The following GLRA3 variants were observed in gnomAD, a reference collection of about 807,000 sequenced individuals.
GLRA3 encodes the protein glycine receptor alpha 3, also known as glycine receptor subunit alpha-3.
In GLRA3, 44 loss-of-function variants were observed where a neutral mutation model predicts 60.4. That is an observed-to-expected ratio of 0.73 (90% confidence interval 0.57 to 0.94). The LOEUF (loss-of-function observed/expected upper bound fraction) is 0.94, where lower values mean the gene tolerates loss of function less well. GLRA3 is among the 40% of genes least tolerant of loss of function. GLRA3 has a pLI of 0.00. For missense variants in GLRA3, 508 were observed against 564.6 expected (o/e 0.90, Z 1.02); for synonymous variants, 223 against 192.9 (o/e 1.16, Z -1.29).
At chr4:174,784,774 A>C (rs1360157021) in intron 2 of GLRA3, among the ~76,000 whole-genome samples, 1 of 152,172 alleles carries the variant, frequency 6.6e-6, no homozygotes, top group Admixed American at 6.5e-5. Context: ...TTTAAATAAT[A>C]GTTTTTAAAA....
At chr4:174,677,520 C>T (rs6848286) in intron 6 of GLRA3, among the ~76,000 whole-genome samples, 53,709 of 150,802 alleles carry the variant, frequency 0.36, 10,196 homozygotes, top group Middle Eastern at 0.46. Context: ...CCACCAAGCC[C>T]GGCTAATTTT....
At chr4:174,811,723 T>G (rs1180185865) in intron 1 of GLRA3, among the ~76,000 whole-genome samples, 1 of 152,220 alleles carries the variant, frequency 6.6e-6, no homozygotes, top group Non-Finnish European at 1.5e-5. Flanking sequence ...ACAACTATGT[T>G]GCTTTGCTGT....
intron 5 of GLRA3, among the ~76,000 whole-genome samples, chr4:174,696,723 ATT>A (rs1289630940): frequency 6.6e-6 from 1 of 152,038 alleles, no homozygotes; most frequent in Non-Finnish European, 1.5e-5. Flanking sequence ...AATTTACTGT[ATT>A]TTTGTTTGAA....
At chr4:174,781,116 C>A (rs112150271) in intron 2 of GLRA3, among the ~76,000 whole-genome samples, 1 of 152,082 alleles carries the variant, frequency 6.6e-6, no homozygotes, top group Non-Finnish European at 1.5e-5. Flanking sequence ...CAAACTATCT[C>A]TCAGACCACA....
At chr4:174,771,965 C>T (rs1041948233) in intron 2 of GLRA3, among the ~76,000 whole-genome samples, 4 of 152,064 alleles carry the variant, frequency 2.6e-5, no homozygotes, top group Non-Finnish European at 5.9e-5. Flanking sequence ...TTCAGTGTCC[C>T]TTGGGAGCAA....
intron 8 of GLRA3, among the ~76,000 whole-genome samples, chr4:174,658,169 A>T (rs55645626): frequency 0.068 from 10,351 of 152,250 alleles, 464 homozygotes; most frequent in Non-Finnish European, 0.1. Flanking sequence ...TCTTTTGACA[A>T]ATATGCCAGG....
At chr4:174,749,367 C>T (rs1478536863) in intron 3 of GLRA3, among the ~76,000 whole-genome samples, 1 of 152,122 alleles carries the variant, frequency 6.6e-6, no homozygotes, top group Non-Finnish European at 1.5e-5. Context: ...GCAACTGGAG[C>T]AATCTTTGCC....
chr4:174,659,491 C>G (rs1400975900), intron 7 of GLRA3, among the ~76,000 whole-genome samples: 2 of 151,882 alleles, frequency 1.3e-5, no homozygotes, highest in African/African-American at 4.8e-5. Context: ...AAAGTATGAA[C>G]ATTGAAATAT....
intron 8 of GLRA3, 146 bp downstream of exon 8, chr4:174,658,908 A>C (rs1733315818): frequency 3.1e-6 from 2 of 650,824 alleles, no homozygotes; most frequent in African/African-American, 3.7e-5. Flanking sequence ...TGACACTTTT[A>C]GTTTGGATTG....
At chr4:174,714,690 T>A (rs1735839991) in intron 5 of GLRA3, among the ~76,000 whole-genome samples, 1 of 152,168 alleles carries the variant, frequency 6.6e-6, no homozygotes, top group Non-Finnish European at 1.5e-5. Context: ...CAAACAGTCC[T>A]TTTATTCCCC....
chr4:174,690,094 T>G (rs1337093481), intron 5 of GLRA3, among the ~76,000 whole-genome samples: 2 of 152,204 alleles, frequency 1.3e-5, no homozygotes, highest in African/African-American at 4.8e-5. Context: ...ACAAGTCAGA[T>G]GCAGAAGACA....
intron 4 of GLRA3, among the ~76,000 whole-genome samples, chr4:174,719,031 C>T (rs1055320749): frequency 1.5e-5 from 2 of 135,076 alleles, no homozygotes; most frequent in Admixed American, 8.3e-5. Context: ...GGCGCAATCT[C>T]GGCTCACTGC....
intron 1 of GLRA3, among the ~76,000 whole-genome samples, chr4:174,808,339 C>T (rs541486178): frequency 2.0e-5 from 3 of 152,084 alleles, no homozygotes; most frequent in South Asian, 4.1e-4. Flanking sequence ...ATTCCTATTG[C>T]CTAGTGATGT....
chr4:174,767,123 TACACACACACACACAC>T (rs10551381), intron 2 of GLRA3, 93 bp from the exon 3 acceptor site: 10 of 471,786 alleles, frequency 2.1e-5, no homozygotes, highest in Admixed American at 3.0e-5. Context: ...TATTCCATTT[TACACACACACACACAC>T]ACACACACAC....
chr4:174,715,434 C>T, intron 5 of GLRA3, 54 bp downstream of exon 5: 1 of 839,714 alleles, frequency 1.2e-6, no homozygotes, highest in Non-Finnish European at 2.0e-6. Flanking sequence ...GCATTAAAAG[C>T]TTGTATCTAC....
At chr4:174,802,352 C>T (rs1739846665) in intron 1 of GLRA3, among the ~76,000 whole-genome samples, 1 of 152,024 alleles carries the variant, frequency 6.6e-6, no homozygotes, top group Admixed American at 6.6e-5. Context: ...AACCTGCCAT[C>T]AGTTCTCCCA....
intron 4 of GLRA3, among the ~76,000 whole-genome samples, chr4:174,721,815 ATGTGTGTG>A (rs1736141252): frequency 1.3e-5 from 2 of 149,862 alleles, no homozygotes; most frequent in African/African-American, 4.9e-5. Flanking sequence ...ATGAAAAAAT[ATGTGTGTG>A]TATATATATG....
chr4:174,713,258 G>A (rs1302679859), intron 5 of GLRA3, among the ~76,000 whole-genome samples: 1 of 152,084 alleles, frequency 6.6e-6, no homozygotes, highest in Non-Finnish European at 1.5e-5. Flanking sequence ...GGAAAGAAAA[G>A]AGGCTCTCTT....
rs200352180 is a variant in GLRA3 at position 174,759,326 on chromosome 4, ATAAC to A, written c.267+7633_267+7636del. Among the ~76,000 whole-genome samples the A allele has an allele frequency of 3.4e-3, 520 of 151,020 alleles. 17 individuals are homozygous for A. The highest frequency in any genetic ancestry group is 0.03 in the Admixed American group (453 of 15,142). ...TGTATTGACAATGAAGTGTTAAAAA[ATAAC>A]TAAAAGGTTATAATTTTAAAAGCCT... On this transcript the variant is annotated intron_variant, in intron 3 of 9. Transcript: ENST00000274093.
Sources: gnomAD v4.1 joint callset for allele counts (sites outside exome capture counted in the v4.1 genomes callset) on GRCh38, gnomAD v4.1.1 for gene constraint, MANE v1.5 for transcripts, NCBI Gene and HGNC (gene_info 2026-07-23, HGNC 2026-07-21) for gene names.